SLCO1C1: variants seen among roughly 807,000 people sequenced by gnomAD.
SLCO1C1 encodes the protein solute carrier organic anion transporter family member 1C1.
Under a neutral mutation model 76.4 loss-of-function variants are expected in SLCO1C1, and 70 were observed. The ratio of observed to expected loss-of-function variants is 0.92; its 90% CI spans 0.76 to 1.12. The LOEUF is 1.12. Ranked by LOEUF, SLCO1C1 falls within the 50% of genes most tolerant of loss-of-function variation. The probability of loss-of-function intolerance (pLI) is 0.00; values close to 1 mark genes in which losing one functional copy is unlikely to be tolerated. For synonymous variants in SLCO1C1, 306 were observed against 286.1 expected, an observed-to-expected ratio of 1.07 and a Z score of -0.70; for missense variants, 912 against 823.8, an observed-to-expected ratio of 1.11 and a Z score of -1.31.
At chr12:20,714,418 G>A (rs956586014) in intron 5 of SLCO1C1, among the ~76,000 whole-genome samples, 3 of 152,056 alleles carry the variant, frequency 2.0e-5, no homozygotes, top group African/African-American at 4.8e-5. Flanking sequence ...AATTATCCTA[G>A]TGCACATGAT....
chr12:20,712,212 T>G (rs1261384913), intron 5 of SLCO1C1, among the ~76,000 whole-genome samples: 1 of 152,212 alleles, frequency 6.6e-6, no homozygotes, highest in Non-Finnish European at 1.5e-5. Flanking sequence ...TGCAGGAATT[T>G]TATCAAAGTG....
intron 3 of SLCO1C1, among the ~76,000 whole-genome samples, chr12:20,704,315 A>G (rs1946674559): frequency 7.7e-6 from 1 of 129,262 alleles, no homozygotes. Context: ...TTAACGTAAC[A>G]CAGAAATAGC....
rs1949262600 is a variant in SLCO1C1 at position 20,750,727 on chromosome 12, CA to C, written c.1854del (p.Lys618AsnfsTer28). The C allele has an allele frequency of 1.2e-6, 2 of 1,614,012 alleles. No homozygotes were observed. The highest frequency in any genetic ancestry group is 1.7e-4 in the Middle Eastern group (1 of 6,060). ...GAGTTTTGATTGATACTTCATGCCT[CA>C]AATGGGGATTTAAAAGATGTGGAAG... ...FGVLIDTSCL[K>X]WGFKRCGSRG... is the part of the protein sequence containing the mutation. On this transcript the variant is annotated frameshift_variant, in exon 14 of 15. Transcript: ENST00000266509. LOFTEE classifies it high-confidence loss of function.
intron 5 of SLCO1C1, among the ~76,000 whole-genome samples, chr12:20,711,945 C>A (rs1947129578): frequency 6.6e-6 from 1 of 152,092 alleles, no homozygotes; most frequent in Non-Finnish European, 1.5e-5. Context: ...CCCTTTTTGT[C>A]CCCAGGGTTT....
chr12:20,735,047 C>T (rs970219371), intron 10 of SLCO1C1, among the ~76,000 whole-genome samples: 1 of 152,204 alleles, frequency 6.6e-6, no homozygotes, highest in Non-Finnish European at 1.5e-5. Flanking sequence ...TACAAATCTA[C>T]TGTCAGCACA....
chr12:20,704,242 G>GATAT (rs143641721), intron 3 of SLCO1C1, among the ~76,000 whole-genome samples: 7 of 150,308 alleles, frequency 4.7e-5, no homozygotes, highest in African/African-American at 1.7e-4. Context: ...ATGGTATATA[G>GATAT]ATATATATAT....
chr12:20,746,760 A>G (rs4581503), intron 13 of SLCO1C1, among the ~76,000 whole-genome samples: 66,140 of 151,902 alleles, frequency 0.44, 17,140 homozygotes, highest in South Asian at 0.63. Context: ...AAATAATGTT[A>G]TAAAGAAGAA....
At chr12:20,732,855 C>A in intron 9 of SLCO1C1, 54 bp from the exon 10 acceptor site, 1 of 1,580,078 alleles carries the variant, frequency 6.3e-7, no homozygotes, top group Non-Finnish European at 8.6e-7. Context: ...TGTGTTAGTA[C>A]ACTCAAATCT....
intron 9 of SLCO1C1, among the ~76,000 whole-genome samples, chr12:20,726,199 A>T (rs1947978616): frequency 6.6e-6 from 1 of 152,034 alleles, no homozygotes; most frequent in African/African-American, 2.4e-5. Context: ...GTCGTTCAAT[A>T]AATATTATTT....
intron 7 of SLCO1C1, among the ~76,000 whole-genome samples, chr12:20,721,474 T>C (rs1283426497): frequency 6.6e-6 from 1 of 152,158 alleles, no homozygotes; most frequent in Non-Finnish European, 1.5e-5. Flanking sequence ...TTTTTTTAAA[T>C]GAAGGTATGT....
At chr12:20,742,787 G>A (rs1333741145) in intron 12 of SLCO1C1, among the ~76,000 whole-genome samples, 9 of 151,248 alleles carry the variant, frequency 6.0e-5, no homozygotes, top group Non-Finnish European at 8.8e-5. Flanking sequence ...TGATCGCCTC[G>A]GCCTCCCAAG....
chr12:20,700,879 C>T (rs368087052), intron 2 of SLCO1C1, among the ~76,000 whole-genome samples: 3 of 151,942 alleles, frequency 2.0e-5, no homozygotes, highest in Non-Finnish European at 4.4e-5. Flanking sequence ...ATTATGTTCC[C>T]GGCTGGTGCA....
intron 5 of SLCO1C1, among the ~76,000 whole-genome samples, 155 bp downstream of exon 5, chr12:20,711,665 A>G (rs1386061617): frequency 6.6e-6 from 1 of 151,992 alleles, no homozygotes; most frequent in Non-Finnish European, 1.5e-5. Flanking sequence ...TAGAATATAA[A>G]GCAGTATATG....
At chr12:20,701,706 A>T (rs1320500864) in intron 3 of SLCO1C1, among the ~76,000 whole-genome samples, 1 of 151,744 alleles carries the variant, frequency 6.6e-6, no homozygotes, top group East Asian at 1.9e-4. Context: ...AGAGTTCTAC[A>T]TCAGAGTAAG....
Position 20,697,594 on chromosome 12 carries a change from CTT to C in SLCO1C1, c.-26+1789_-26+1790del, listed in dbSNP as rs1003782821. ...ATCTCTATATTCTTCATTTCTTAAA[CTT>C]TGTTTTTTAAATCAGTAATAGATGT... On this transcript the variant is annotated intron_variant, in intron 1 of 14. Transcript: ENST00000266509. 1.4e-3 allele frequency: 215 copies of C among 152,058 alleles called. 2 individuals are homozygous for C. Among genetic ancestry groups the C allele is most frequent in the African/African-American group, 5.1e-3 (210 of 41,538 alleles). 9.4% of individuals were successfully genotyped at this position (152,058 alleles called of 1,614,324 possible). A position where few individuals can be genotyped will look rare whatever the true frequency, so the allele number is the denominator to read the frequency against.
chr12:20,702,906 A>G (rs1224031985), intron 3 of SLCO1C1, among the ~76,000 whole-genome samples: 1 of 151,894 alleles, frequency 6.6e-6, no homozygotes, highest in Non-Finnish European at 1.5e-5. Flanking sequence ...ATTTGGTCCA[A>G]AGTTTTGTTT....
rs574984579 is a variant in SLCO1C1 at position 20,706,174 on chromosome 12, A to T, written c.404+93A>T. ...TATTAATTATGCAAATTTAAGCTTA[A>T]CCCATGATAACTTTGTCTTACTTTT... On this transcript the variant is annotated intron_variant, in intron 4 of 14. Coordinates refer to ENST00000266509, the MANE Select transcript of SLCO1C1 (RefSeq NM_017435.5). 8 of 1,397,836 alleles carry T rather than the reference A, an allele frequency of 5.7e-6. No individual in the cohort carries two copies. In the Admixed American group the frequency reaches 1.8e-4, roughly 32 times the overall value. The allele number at this position is 1,397,836 out of a possible 1,614,324, so 86.6% of individuals were successfully genotyped here.
At chr12:20,744,235 G>A (rs1027158499) in intron 13 of SLCO1C1, among the ~76,000 whole-genome samples, 1 of 152,100 alleles carries the variant, frequency 6.6e-6, no homozygotes, top group Non-Finnish European at 1.5e-5. Flanking sequence ...TGAGCCTGTA[G>A]TATATGCCTG....
chr12:20,701,298 T>A lies in SLCO1C1; in HGVS notation c.130-20T>A, dbSNP rs1433143514. ...TGTCAAGCTGGAGTCAGACTAAGTG[T>A]GACCTGTCATATTTTCCAGGTGTTC... On this transcript the variant is annotated intron_variant, in intron 2 of 14. Transcript: ENST00000266509. 1 of 1,481,172 alleles carries A rather than the reference T, an allele frequency of 6.8e-7. No individual in the cohort carries two copies. The highest frequency in any genetic ancestry group is 1.4e-5 in the African/African-American group (1 of 71,652). The allele number at this position is 1,481,172 out of a possible 1,614,324, so 91.8% of individuals were successfully genotyped here.
Sources: gnomAD v4.1 joint callset for allele counts (sites outside exome capture counted in the v4.1 genomes callset) on GRCh38, gnomAD v4.1.1 for gene constraint, MANE v1.5 for transcripts, NCBI Gene and HGNC (gene_info 2026-07-23, HGNC 2026-07-21) for gene names.